Variants in ELMO1 observed in about 807,000 individuals in gnomAD.
The protein encoded by ELMO1 is engulfment and cell motility 1.
In ELMO1, 26 loss-of-function variants were observed where a neutral mutation model predicts 98.9. The observed-to-expected ratio is 0.26, with a 90% CI of 0.19 to 0.36. ELMO1 has a LOEUF of 0.36. ELMO1 is among the 10% of genes least tolerant of loss of function. ELMO1 has a pLI of 1.00. For missense variants in ELMO1, 627 were observed against 935.2 expected (o/e 0.67, Z 4.30); for synonymous variants, 346 against 346.0 (o/e 1.00, Z 0.00).
intron 21 of ELMO1, among the ~76,000 whole-genome samples, chr7:36,859,709 G>A (rs1180393188): frequency 6.6e-6 from 1 of 152,208 alleles, no homozygotes; most frequent in Non-Finnish European, 1.5e-5. Flanking sequence ...AGTTATATGA[G>A]GGTTAACTGG....
chr7:37,041,791 AC>A (rs1380817862), intron 15 of ELMO1, among the ~76,000 whole-genome samples: 1 of 152,164 alleles, frequency 6.6e-6, no homozygotes, highest in East Asian at 1.9e-4. Flanking sequence ...CCCCAGGAAC[AC>A]TGGCTGTGAG....
chr7:36,967,293 A>T (rs1789525225), intron 16 of ELMO1, among the ~76,000 whole-genome samples: 2 of 152,204 alleles, frequency 1.3e-5, no homozygotes. Flanking sequence ...ATCACTATGT[A>T]TTCCATAAAA....
intron 14 of ELMO1, among the ~76,000 whole-genome samples, chr7:37,110,621 A>G (rs1275827451): frequency 6.6e-6 from 1 of 152,168 alleles, no homozygotes; most frequent in Non-Finnish European, 1.5e-5. Context: ...TAATCTAAAA[A>G]TGATGTCATT....
At chr7:37,224,779 C>T (rs1304486156) in intron 9 of ELMO1, 100 bp downstream of exon 9, 2 of 1,498,400 alleles carry the variant, frequency 1.3e-6, no homozygotes, top group African/African-American at 1.4e-5. Context: ...TTTTTCTGTA[C>T]ATTTAACCAA....
intron 18 of ELMO1, among the ~76,000 whole-genome samples, chr7:36,885,512 G>A (rs1271735896): frequency 2.0e-5 from 3 of 152,202 alleles, no homozygotes; most frequent in African/African-American, 4.8e-5. Flanking sequence ...CAGCAGCGGA[G>A]GCAATGGGTG....
chr7:37,375,609 G>T, intron 1 of ELMO1: 1 of 1,139,806 alleles, frequency 8.8e-7, no homozygotes, highest in Non-Finnish European at 1.3e-6. Flanking sequence ...TGTCCCCCAT[G>T]CCTAAGCACC....
At chr7:37,376,039 T>C (rs1802327242) in intron 1 of ELMO1, 1 of 428,554 alleles carries the variant, frequency 2.3e-6, no homozygotes, top group East Asian at 5.2e-5. Context: ...GAGAGGATTA[T>C]TTCACATTGA....
intron 11 of ELMO1, among the ~76,000 whole-genome samples, chr7:37,216,398 G>A (rs1047679317): frequency 2.0e-5 from 3 of 151,868 alleles, no homozygotes; most frequent in African/African-American, 2.4e-5. Flanking sequence ...GCCAGAATGC[G>A]TTCCCCCTTT....
intron 1 of ELMO1, among the ~76,000 whole-genome samples, chr7:37,347,554 C>T (rs1476981961): frequency 6.6e-6 from 1 of 151,888 alleles, no homozygotes. Context: ...ATGAATAAGC[C>T]TCAAGAGATC....
chr7:37,438,530 G>A (rs1805253185), intron 1 of ELMO1, among the ~76,000 whole-genome samples: 1 of 151,844 alleles, frequency 6.6e-6, no homozygotes, highest in Non-Finnish European at 1.5e-5. Context: ...AACCCGGGAG[G>A]CGGAGATTGC....
chr7:37,168,252 CAA>C (rs1441651566), intron 13 of ELMO1, among the ~76,000 whole-genome samples: 1 of 152,116 alleles, frequency 6.6e-6, no homozygotes, highest in African/African-American at 2.4e-5. Flanking sequence ...AAATTTTTTT[CAA>C]AGTTTTTAAC....
intron 2 of ELMO1, among the ~76,000 whole-genome samples, chr7:37,325,494 C>T (rs542968034): frequency 5.3e-5 from 8 of 152,280 alleles, no homozygotes; most frequent in African/African-American, 1.9e-4. Flanking sequence ...AAGCGGTCCC[C>T]GGTCCTCACT....
chr7:37,100,816 A>T (rs923869270), intron 14 of ELMO1, among the ~76,000 whole-genome samples: 2 of 152,262 alleles, frequency 1.3e-5, no homozygotes, highest in African/African-American at 4.8e-5. Flanking sequence ...GGGGACACAA[A>T]GCAGCTATGA....
intron 13 of ELMO1, among the ~76,000 whole-genome samples, chr7:37,166,341 G>C (rs929266746): frequency 6.6e-6 from 1 of 152,028 alleles, no homozygotes; most frequent in Non-Finnish European, 1.5e-5. Flanking sequence ...ATTTCCTTCA[G>C]TTCTGCTCTG....
chr7:37,068,403 G>A (rs181785426), intron 15 of ELMO1, among the ~76,000 whole-genome samples: 1 of 152,226 alleles, frequency 6.6e-6, no homozygotes, highest in East Asian at 1.9e-4. Context: ...GATGTGATGA[G>A]GTCACAGTTG....
intron 13 of ELMO1, among the ~76,000 whole-genome samples, chr7:37,163,305 A>C (rs1178603445): frequency 1.3e-5 from 2 of 150,948 alleles, no homozygotes; most frequent in Non-Finnish European, 2.9e-5. Flanking sequence ...TTATTATTAA[A>C]TATCAGGTAT....
At chr7:37,251,173 A>G (rs904953464) in intron 6 of ELMO1, among the ~76,000 whole-genome samples, 3 of 152,176 alleles carry the variant, frequency 2.0e-5, no homozygotes, top group Admixed American at 1.3e-4. Flanking sequence ...CTTCTTTCAA[A>G]TAAAATAAAA....
chr7:36,869,658 C>T (rs907556398), intron 20 of ELMO1, among the ~76,000 whole-genome samples: 2 of 152,176 alleles, frequency 1.3e-5, no homozygotes, highest in African/African-American at 4.8e-5. Flanking sequence ...AGCACTGGCT[C>T]CCTGACGGCC....
At chr7:37,046,911 G>A (rs898401071) in intron 15 of ELMO1, among the ~76,000 whole-genome samples, 6 of 152,312 alleles carry the variant, frequency 3.9e-5, no homozygotes, top group East Asian at 1.9e-4. Flanking sequence ...AAGGCACTGG[G>A]AGACACTGGA....
Sources: allele counts gnomAD v4.1 joint callset (sites outside exome capture counted in the v4.1 genomes callset), GRCh38; gene constraint gnomAD v4.1.1; transcripts MANE v1.5; gene names NCBI Gene and HGNC (gene_info 2026-07-23, HGNC 2026-07-21).